The following PTPRD variants were observed in gnomAD, a reference collection of about 807,000 sequenced individuals.
The protein encoded by PTPRD is protein tyrosine phosphatase receptor type D.
PTPRD carries 34 observed loss-of-function variants against 214.5 expected under a neutral mutation model. That is an observed-to-expected ratio of 0.16 (90% confidence interval 0.12 to 0.21). The LOEUF is 0.21. Ranked by LOEUF, PTPRD falls within the 10% of genes least tolerant of loss-of-function variation. PTPRD has a pLI of 1.00. For missense variants in PTPRD, 2,545 were observed against 2,398.7 expected, an observed-to-expected ratio of 1.06 and a Z score of -1.27; for synonymous variants, 1,128 against 845.7, an observed-to-expected ratio of 1.33 and a Z score of -5.79.
intron 9 of PTPRD, among the ~76,000 whole-genome samples, chr9:9,229,531 C>T (rs1007230350): frequency 6.6e-6 from 1 of 152,116 alleles, no homozygotes; most frequent in East Asian, 1.9e-4. Flanking sequence ...CATGTGTCCT[C>T]TCTAGACTGT....
At chr9:10,598,990 C>A (rs147028063) in intron 2 of PTPRD, among the ~76,000 whole-genome samples, 3 of 151,740 alleles carry the variant, frequency 2.0e-5, no homozygotes, top group African/African-American at 7.2e-5. Flanking sequence ...TAGCTAGGTA[C>A]ACAACTAAAC....
intron 9 of PTPRD, among the ~76,000 whole-genome samples, chr9:9,216,677 C>A (rs116097598): frequency 6.6e-6 from 1 of 152,050 alleles, no homozygotes; most frequent in Non-Finnish European, 1.5e-5. Context: ...AAAGACCAAG[C>A]TTGGTATCAT....
intron 9 of PTPRD, among the ~76,000 whole-genome samples, chr9:9,299,812 T>C (rs1443505412): frequency 5.3e-5 from 8 of 151,278 alleles, no homozygotes; most frequent in Non-Finnish European, 1.2e-4. Flanking sequence ...AAAAGACACA[T>C]ATGTGGGATG....
intron 3 of PTPRD, among the ~76,000 whole-genome samples, chr9:10,071,040 T>C (rs2098001609): frequency 2.6e-5 from 4 of 151,932 alleles, no homozygotes; most frequent in Admixed American, 2.0e-4. Flanking sequence ...ATCAAATACG[T>C]GGTATAAATT....
chr9:9,609,126 T>C (rs1467428450), intron 7 of PTPRD, among the ~76,000 whole-genome samples: 2 of 152,220 alleles, frequency 1.3e-5, no homozygotes, highest in Non-Finnish European at 2.9e-5. Flanking sequence ...GCACATATAC[T>C]TAATTTTTCT....
chr9:9,050,280 C>T (rs1431292695), intron 10 of PTPRD, among the ~76,000 whole-genome samples: 1 of 152,134 alleles, frequency 6.6e-6, no homozygotes, highest in Non-Finnish European at 1.5e-5. Flanking sequence ...AGTCATGACA[C>T]TGAAAAGTAT....
chr9:10,014,072 C>T (rs561552083), intron 4 of PTPRD, among the ~76,000 whole-genome samples: 33 of 152,030 alleles, frequency 2.2e-4, no homozygotes, highest in African/African-American at 7.7e-4. Context: ...CCCTATCATC[C>T]ATTTTCAGTT....
At chr9:10,321,605 G>A (rs1597066538) in intron 3 of PTPRD, among the ~76,000 whole-genome samples, 1 of 150,512 alleles carries the variant, frequency 6.6e-6, no homozygotes, top group Non-Finnish European at 1.5e-5. Flanking sequence ...TTAAAAGCGG[G>A]GGTGGAATGG....
intron 9 of PTPRD, among the ~76,000 whole-genome samples, chr9:9,235,904 A>T (rs1488933195): frequency 6.6e-6 from 1 of 152,160 alleles, no homozygotes; most frequent in Non-Finnish European, 1.5e-5. Context: ...ATGGAAAGTT[A>T]CCTTGCATGT....
chr9:8,385,531 C>T (rs75474253), intron 37 of PTPRD, among the ~76,000 whole-genome samples: 13,400 of 151,990 alleles, frequency 0.088, 1,031 homozygotes, highest in African/African-American at 0.21. Flanking sequence ...AAAACAAAAA[C>T]GAGTGAACCA....
intron 5 of PTPRD, among the ~76,000 whole-genome samples, chr9:9,823,190 G>T (rs2051400859): frequency 6.6e-6 from 1 of 152,080 alleles, no homozygotes; most frequent in African/African-American, 2.4e-5. Flanking sequence ...GAGGTAATCA[G>T]TTCATAGTTC....
intron 12 of PTPRD, among the ~76,000 whole-genome samples, chr9:8,677,558 A>T (rs191158834): frequency 2.6e-5 from 4 of 152,288 alleles, no homozygotes; most frequent in South Asian, 4.1e-4. Flanking sequence ...TCAAACAACT[A>T]CCAATCAGGT....
chr9:9,350,998 G>C (rs1395769297), intron 9 of PTPRD, among the ~76,000 whole-genome samples: 1 of 151,924 alleles, frequency 6.6e-6, no homozygotes, highest in Non-Finnish European at 1.5e-5. Flanking sequence ...GATTGCTAAA[G>C]AATTTCTGTG....
chr9:9,436,454 A>G (rs1271154775), intron 8 of PTPRD, among the ~76,000 whole-genome samples: 1 of 152,130 alleles, frequency 6.6e-6, no homozygotes, highest in East Asian at 1.9e-4. Flanking sequence ...CTGATTAGAT[A>G]CCTACATACT....
At chr9:10,089,006 G>T (rs935536342) in intron 3 of PTPRD, among the ~76,000 whole-genome samples, 1 of 151,414 alleles carries the variant, frequency 6.6e-6, no homozygotes, top group Non-Finnish European at 1.5e-5. Flanking sequence ...AGGAATCAGA[G>T]ACAAGCTTGA....
chr9:10,051,582 T>A (rs2097535853), intron 3 of PTPRD, among the ~76,000 whole-genome samples: 2 of 151,974 alleles, frequency 1.3e-5, no homozygotes, highest in Non-Finnish European at 2.9e-5. Context: ...GTATATCTCC[T>A]AATGCTATCC....
rs77774280 is a variant in PTPRD at position 10,005,230 on chromosome 9, C to T, written c.-472+28488G>A. Among the ~76,000 whole-genome samples the T allele has an allele frequency of 7.0e-3, 1,069 of 152,190 alleles. 6 individuals carry two copies. The highest frequency in any genetic ancestry group is 0.024 in the African/African-American group (985 of 41,528). On this transcript the variant is annotated intron_variant, in intron 4 of 45. Transcript: ENST00000381196. ...CTAACCTTGGTGTTTCTAAAGCACA[C>T]AACCAACAGCTTTTTAAAGTAAAAG...
intron 36 of PTPRD, among the ~76,000 whole-genome samples, chr9:8,403,395 G>T (rs1313026563): frequency 6.6e-6 from 1 of 152,164 alleles, no homozygotes; most frequent in Non-Finnish European, 1.5e-5. Context: ...ACTCTTCTGG[G>T]CACTAATGAG....
intron 2 of PTPRD, among the ~76,000 whole-genome samples, chr9:10,529,621 G>C (rs1318766799): frequency 6.6e-6 from 1 of 151,820 alleles, no homozygotes; most frequent in African/African-American, 2.4e-5. Context: ...TAATGTAGAT[G>C]ATGGCTTGAT....
Sources: gnomAD v4.1 joint callset for allele counts (sites outside exome capture counted in the v4.1 genomes callset) on GRCh38, gnomAD v4.1.1 for gene constraint, MANE v1.5 for transcripts, NCBI Gene and HGNC (gene_info 2026-07-23, HGNC 2026-07-21) for gene names.